The following CNTN5 variants were observed in gnomAD, a reference collection of about 807,000 sequenced individuals.
The protein encoded by CNTN5 is contactin 5, also known as contactin-5.
Under a neutral mutation model 129.1 loss-of-function variants are expected in CNTN5, and 77 were observed. The observed-to-expected ratio is 0.60, with a 90% CI of 0.50 to 0.72. CNTN5 has a LOEUF of 0.72. Among genes scored for constraint, CNTN5 ranks in the 30% least tolerant of loss-of-function variants. The pLI is 0.00. For synonymous variants in CNTN5, 509 were observed against 465.6 expected, an observed-to-expected ratio of 1.09 and a Z score of -1.20; for missense variants, 1,478 against 1,328.8, an observed-to-expected ratio of 1.11 and a Z score of -1.75.
At chr11:99,634,842 A>C (rs942633224) in intron 3 of CNTN5, among the ~76,000 whole-genome samples, 1 of 152,124 alleles carries the variant, frequency 6.6e-6, no homozygotes, top group African/African-American at 2.4e-5. Flanking sequence ...GTGAAAGGTG[A>C]CCCGTGTCAT....
In CNTN5 at chr11:99,841,803, G is replaced by GTGTGT. The variant is rs10669012; in HGVS notation, c.278-3049_278-3048insTGTGT. Among the ~76,000 whole-genome samples the GTGTGT allele has an allele frequency of 1.6e-3, 140 of 89,718 alleles. 2 individuals carry two copies. Among genetic ancestry groups the GTGTGT allele is most frequent in the East Asian group, 0.013 (60 of 4,508 alleles). The allele number at this position is 89,718 out of a possible 152,430, so 58.9% of individuals were successfully genotyped here. A position where few individuals can be genotyped will look rare whatever the true frequency, so the allele number is the denominator to read the frequency against. On this transcript the variant is annotated intron_variant, in intron 4 of 24. Coordinates refer to ENST00000524871, the MANE Select transcript of CNTN5 (RefSeq NM_014361.4). ...CATTTATATATATATATATATATGTGGTGTGTGTGTATATATGTGTGTATA... is the reference window on the plus strand; with the variant it reads ...CATTTATATATATATATATATATGTGTGTGTGTGTGTGTGTATATATGTGTGTATA...
At chr11:99,509,513 G>A (rs1277487552) in intron 2 of CNTN5, among the ~76,000 whole-genome samples, 5 of 152,090 alleles carry the variant, frequency 3.3e-5, no homozygotes, top group Non-Finnish European at 7.4e-5. Flanking sequence ...AGAGCAAAAA[G>A]GGAAGGTGCT....
intron 1 of CNTN5, among the ~76,000 whole-genome samples, chr11:99,216,336 T>C (rs1860114157): frequency 6.6e-6 from 1 of 152,126 alleles, no homozygotes; most frequent in Admixed American, 6.6e-5. Context: ...ATTTCATTCT[T>C]TTTTAGGGTA....
At chr11:99,859,116 TCTC>T (rs765326364) in intron 6 of CNTN5, among the ~76,000 whole-genome samples, 10 of 152,128 alleles carry the variant, frequency 6.6e-5, no homozygotes, top group Non-Finnish European at 1.5e-4. Context: ...AAAGATAAAA[TCTC>T]CTAATGTTTG....
intron 9 of CNTN5, among the ~76,000 whole-genome samples, chr11:100,050,378 A>G (rs1361450262): frequency 1.3e-5 from 2 of 152,130 alleles, no homozygotes; most frequent in Non-Finnish European, 2.9e-5. Context: ...CACAAGAACA[A>G]AAAACCAAAC....
chr11:100,205,330 T>G (rs1173563612), intron 15 of CNTN5, among the ~76,000 whole-genome samples: 2 of 152,116 alleles, frequency 1.3e-5, no homozygotes, highest in African/African-American at 2.4e-5. Context: ...TTTCATGGAC[T>G]ATTTTTATCA....
intron 23 of CNTN5, 75 bp downstream of exon 23, chr11:100,341,280 G>A: frequency 3.7e-6 from 4 of 1,090,332 alleles, no homozygotes; most frequent in East Asian, 2.4e-5. Context: ...AATTAATAAG[G>A]CATAAAAAGA....
chr11:99,467,399 C>G (rs965542499), intron 2 of CNTN5, among the ~76,000 whole-genome samples: 5 of 152,096 alleles, frequency 3.3e-5, no homozygotes, highest in Admixed American at 1.3e-4. Flanking sequence ...TCCAATTTAA[C>G]TTTTCTCCTA....
intron 1 of CNTN5, among the ~76,000 whole-genome samples, chr11:99,097,984 C>T (rs776792275): frequency 1.2e-4 from 18 of 151,364 alleles, no homozygotes; most frequent in Admixed American, 2.0e-4. Context: ...AATTTCTGAG[C>T]GAAAAAAAAC....
chr11:99,717,989 A>T, intron 3 of CNTN5, among the ~76,000 whole-genome samples: 1 of 152,090 alleles, frequency 6.6e-6, no homozygotes. Flanking sequence ...TTCATTGCGA[A>T]TTTCAACTCA....
chr11:99,574,856 C>T (rs1158787578), intron 3 of CNTN5, among the ~76,000 whole-genome samples: 2 of 152,066 alleles, frequency 1.3e-5, no homozygotes, highest in South Asian at 2.1e-4. Flanking sequence ...TCTCCCACTC[C>T]GTAGGTTGTC....
chr11:99,191,727 A>T (rs1296384735), intron 1 of CNTN5, among the ~76,000 whole-genome samples: 1 of 151,852 alleles, frequency 6.6e-6, no homozygotes, highest in Admixed American at 6.6e-5. Context: ...ATGAGTCGAT[A>T]AAGAATTAAG....
intron 3 of CNTN5, among the ~76,000 whole-genome samples, chr11:99,642,202 C>T (rs1464079822): frequency 6.6e-6 from 1 of 152,122 alleles, no homozygotes; most frequent in African/African-American, 2.4e-5. Context: ...GAGAAAATGG[C>T]ATGAATACAG....
At chr11:100,255,576 G>T (rs1044400150) in intron 16 of CNTN5, among the ~76,000 whole-genome samples, 184 bp from the exon 17 acceptor site, 2 of 152,086 alleles carry the variant, frequency 1.3e-5, no homozygotes, top group African/African-American at 4.8e-5. Flanking sequence ...CTACAATTAA[G>T]TTTCCCCCAG....
At chr11:99,839,058 C>G (rs1947394408) in intron 4 of CNTN5, among the ~76,000 whole-genome samples, 1 of 151,694 alleles carries the variant, frequency 6.6e-6, no homozygotes, top group South Asian at 2.1e-4. Flanking sequence ...GTTAATTGGT[C>G]TAAAGATGAT....
intron 1 of CNTN5, among the ~76,000 whole-genome samples, chr11:99,118,550 T>C (rs1159079703): frequency 6.6e-6 from 1 of 152,096 alleles, no homozygotes; most frequent in Admixed American, 6.6e-5. Flanking sequence ...GTGCATACAG[T>C]GTCAACATTC....
chr11:100,238,287 C>T (rs1949661654), intron 16 of CNTN5, among the ~76,000 whole-genome samples: 1 of 151,638 alleles, frequency 6.6e-6, no homozygotes. Context: ...AATCTGTTTA[C>T]CCAACCAATC....
rs1565569181 is a variant in CNTN5, at chr11:99,422,518, T to TATA, written c.-71+97034_-71+97035insATA. Among the ~76,000 whole-genome samples the TATA allele has an allele frequency of 5.5e-3, 461 of 83,076 alleles. 2 individuals carry two copies. The highest frequency in any genetic ancestry group is 8.6e-3 in the Non-Finnish European group (348 of 40,570). 54.5% of individuals were successfully genotyped at this position (83,076 alleles called of 152,430 possible). On this transcript the variant is annotated intron_variant, in intron 2 of 24. Transcript: ENST00000524871. ...AAGCGATTCATGTTACTTTATATTT[T>TATA]TATATATATATATATATATATATAT...
intron 16 of CNTN5, among the ~76,000 whole-genome samples, chr11:100,247,533 A>G (rs1273091319): frequency 6.6e-6 from 1 of 152,160 alleles, no homozygotes; most frequent in Non-Finnish European, 1.5e-5. Flanking sequence ...GTGGTCAGAA[A>G]GTATCTGAGG....
Sources: gnomAD v4.1 joint callset for allele counts (sites outside exome capture counted in the v4.1 genomes callset) on GRCh38, gnomAD v4.1.1 for gene constraint, MANE v1.5 for transcripts, NCBI Gene and HGNC (gene_info 2026-07-23, HGNC 2026-07-21) for gene names.